Variants in SYN3 observed in about 807,000 individuals in gnomAD.
SYN3 encodes the protein synapsin III, also known as synapsin-3.
In SYN3, 35 loss-of-function variants were observed where a neutral mutation model predicts 65.8. The observed-to-expected ratio is 0.53, with a 90% CI of 0.41 to 0.70. SYN3 has a LOEUF of 0.70. Ranked by LOEUF, SYN3 falls within the 30% of genes least tolerant of loss-of-function variation. SYN3 has a pLI of 0.00. For missense variants in SYN3, 680 were observed against 749.0 expected, an observed-to-expected ratio of 0.91 and a Z score of 1.08; for synonymous variants, 270 against 292.9, an observed-to-expected ratio of 0.92 and a Z score of 0.80.
chr22:32,724,361 G>A (rs2061160618), intron 6 of SYN3, among the ~76,000 whole-genome samples: 1 of 152,080 alleles, frequency 6.6e-6, no homozygotes, highest in Admixed American at 6.6e-5. Flanking sequence ...CATGTATCTG[G>A]GACTACAGAA....
chr22:32,723,143 C>A (rs576236405), intron 6 of SYN3, among the ~76,000 whole-genome samples: 237 of 152,316 alleles, frequency 1.6e-3, no homozygotes, highest in Non-Finnish European at 2.8e-3. Context: ...CAATAGTAAG[C>A]CATCTGCCGC....
At chr22:32,715,373 C>T (rs1222844646) in intron 6 of SYN3, among the ~76,000 whole-genome samples, 1 of 152,202 alleles carries the variant, frequency 6.6e-6, no homozygotes, top group African/African-American at 2.4e-5. Context: ...CCTAATACCT[C>T]TTGACATCCT....
At chr22:32,644,154 G>T (rs1601827776) in intron 6 of SYN3, among the ~76,000 whole-genome samples, 2 of 150,570 alleles carry the variant, frequency 1.3e-5, no homozygotes, top group East Asian at 3.9e-4. Flanking sequence ...GGAGGGAGAT[G>T]GGAGACAGAG....
chr22:32,757,175 A>C (rs746427006), intron 6 of SYN3, among the ~76,000 whole-genome samples: 1 of 151,898 alleles, frequency 6.6e-6, no homozygotes, highest in Non-Finnish European at 1.5e-5. Context: ...ACACCATTAC[A>C]TTCTGCTGGC....
At position 32,849,544 on chromosome 22, in the gene SYN3, G is replaced by C. The variant is rs971317297; in HGVS notation, c.711+15371C>G. ...CATCAAGCAGATGAAGGTAGGTAAT[G>C]TCATCACCCTGGCTCCGGGAAGGTT... is the stretch of plus-strand genomic sequence containing the variant. On this transcript the variant is annotated intron_variant, in intron 6 of 13. Transcript: ENST00000358763. The C allele has an allele frequency of 2.5e-6, 4 of 1,612,174 alleles. No homozygotes were observed. The African/African-American group carries it at 5.3e-5, about 22-fold the overall frequency.
At chr22:32,590,013 A>T (rs542447119) in intron 7 of SYN3, among the ~76,000 whole-genome samples, 43 of 152,300 alleles carry the variant, frequency 2.8e-4, no homozygotes, top group African/African-American at 9.6e-4. Flanking sequence ...TTTGAAATAT[A>T]GCACAACTAT....
intron 7 of SYN3, among the ~76,000 whole-genome samples, chr22:32,553,656 GT>G (rs1458143484): frequency 2.0e-5 from 3 of 152,140 alleles, no homozygotes; most frequent in South Asian, 2.1e-4. Flanking sequence ...GATTAGGGAA[GT>G]TTTTTGAAAT....
Position 32,874,471 on chromosome 22 carries a change from T to C in SYN3, c.462-5346A>G, listed in dbSNP as rs113116759. Among the ~76,000 whole-genome samples the C allele has an allele frequency of 3.5e-3, 527 of 152,346 alleles. 4 individuals carry two copies. The highest frequency in any genetic ancestry group is 0.012 in the African/African-American group (500 of 41,572). On this transcript the variant is annotated intron_variant, in intron 4 of 13. Transcript: ENST00000358763. ...GTGTCACAGGGGGATTACTGAATGCTTCTGGCAGCGTCAAAAAGCTGGAGG... is the reference window on the plus strand; with the variant it reads ...GTGTCACAGGGGGATTACTGAATGCCTCTGGCAGCGTCAAAAAGCTGGAGG...
At chr22:32,544,715 A>T (rs187115797) in intron 7 of SYN3, among the ~76,000 whole-genome samples, 5 of 152,304 alleles carry the variant, frequency 3.3e-5, no homozygotes, top group Admixed American at 2.0e-4. Context: ...CATCTCAGCC[A>T]GTATTCAGGG....
chr22:32,767,120 C>T (rs10854629), intron 6 of SYN3, among the ~76,000 whole-genome samples: 119,239 of 152,114 alleles, frequency 0.78, 47,585 homozygotes, highest in African/African-American at 0.94. Context: ...TACTGCGCAT[C>T]AGGGATGCTA....
chr22:32,863,967 CTG>C (rs1167119134), intron 6 of SYN3, among the ~76,000 whole-genome samples: 1 of 152,192 alleles, frequency 6.6e-6, no homozygotes, highest in Non-Finnish European at 1.5e-5. Context: ...GTTCTGGATT[CTG>C]TGACTCTTGC....
intron 12 of SYN3, among the ~76,000 whole-genome samples, chr22:32,526,153 T>C (rs113910795): frequency 3.9e-5 from 6 of 152,360 alleles, no homozygotes; most frequent in African/African-American, 1.4e-4. Context: ...CAGTGTAGTG[T>C]AAACATAGCT....
intron 7 of SYN3, among the ~76,000 whole-genome samples, chr22:32,584,413 C>T (rs374664872): frequency 1.3e-5 from 2 of 152,242 alleles, no homozygotes; most frequent in Admixed American, 6.5e-5. Flanking sequence ...CCCACCCCAC[C>T]GGGTGATGTG....
intron 6 of SYN3, among the ~76,000 whole-genome samples, chr22:32,634,578 A>G (rs1357163114): frequency 1.3e-5 from 2 of 152,216 alleles, no homozygotes; most frequent in African/African-American, 4.8e-5. Flanking sequence ...CTCCAGAAAT[A>G]CAAGTGTCTG....
intron 6 of SYN3, among the ~76,000 whole-genome samples, chr22:32,847,281 G>T (rs192407499): frequency 6.6e-6 from 1 of 152,184 alleles, no homozygotes; most frequent in Non-Finnish European, 1.5e-5. Context: ...CTGGCTTGTC[G>T]CCGAGAATAC....
intron 6 of SYN3, among the ~76,000 whole-genome samples, chr22:32,697,170 C>T (rs1317782547): frequency 6.6e-6 from 1 of 152,174 alleles, no homozygotes; most frequent in Non-Finnish European, 1.5e-5. Context: ...ATGCCCTGAT[C>T]TAAGTGGGCC....
chr22:32,598,105 G>A (rs926576018), intron 6 of SYN3, among the ~76,000 whole-genome samples: 1 of 152,112 alleles, frequency 6.6e-6, no homozygotes, highest in Non-Finnish European at 1.5e-5. Flanking sequence ...TCCCAACTGG[G>A]GGCCATCCTG....
intron 6 of SYN3, among the ~76,000 whole-genome samples, chr22:32,646,808 C>T (rs1215007038): frequency 6.6e-6 from 1 of 152,180 alleles, no homozygotes; most frequent in Non-Finnish European, 1.5e-5. Flanking sequence ...ACAAGAATAG[C>T]AAATGGCAAG....
rs2060507281 is a variant in SYN3, at chr22:32,680,402, C to T, written c.712-83666G>A. Among the ~76,000 whole-genome samples, 7 of 152,302 alleles carry T rather than the reference C, an allele frequency of 4.6e-5. 2 individuals carry two copies. The South Asian group carries it at 1.5e-3, about 32-fold the overall frequency. On this transcript the variant is annotated intron_variant, in intron 6 of 13. Transcript: ENST00000358763. ...TTGTTTTTCCCTTGTTTGTCTTCCC[C>T]AGAAGACTGTCAACTCTTTGAGGAC... is the stretch of plus-strand genomic sequence containing the variant.
Sources: gnomAD v4.1 joint callset for allele counts (sites outside exome capture counted in the v4.1 genomes callset) on GRCh38, gnomAD v4.1.1 for gene constraint, MANE v1.5 for transcripts, NCBI Gene and HGNC (gene_info 2026-07-23, HGNC 2026-07-21) for gene names.